The following KIAA1549L variants were observed in gnomAD, a reference collection of about 807,000 sequenced individuals.
KIAA1549L encodes the protein UPF0606 protein KIAA1549L.
In KIAA1549L, 88 loss-of-function variants were observed where a neutral mutation model predicts 160.7. The observed-to-expected ratio is 0.55, with a 90% CI of 0.46 to 0.65. The LOEUF is 0.65. KIAA1549L is among the 30% of genes least tolerant of loss of function. The pLI is 0.00. For synonymous variants in KIAA1549L, 950 were observed against 976.7 expected, an observed-to-expected ratio of 0.97 and a Z score of 0.51; for missense variants, 2,258 against 2,437.5, an observed-to-expected ratio of 0.93 and a Z score of 1.55.
intron 1 of KIAA1549L, among the ~76,000 whole-genome samples, chr11:33,393,859 A>G (rs1444161400): frequency 2.0e-5 from 3 of 152,246 alleles, no homozygotes; most frequent in Non-Finnish European, 4.4e-5. Flanking sequence ...TTGCACATAC[A>G]TAGTAGATAC....
At chr11:33,429,841 A>T (rs1370313775) in intron 1 of KIAA1549L, among the ~76,000 whole-genome samples, 1 of 152,102 alleles carries the variant, frequency 6.6e-6, no homozygotes, top group Non-Finnish European at 1.5e-5. Flanking sequence ...CACTGCAGTC[A>T]TCTGGACCCA....
chr11:33,512,117 A>G (rs1285173830), intron 1 of KIAA1549L, among the ~76,000 whole-genome samples: 1 of 152,228 alleles, frequency 6.6e-6, no homozygotes, highest in African/African-American at 2.4e-5. Context: ...TTAGCACTCT[A>G]GAGGGTCACG....
rs1045652202 is a variant in KIAA1549L, at chr11:33,486,622, A to T, written c.239-55180A>T. Among the ~76,000 whole-genome samples, 6 of 151,934 alleles carry T rather than the reference A, an allele frequency of 3.9e-5. No individual in the cohort carries two copies. The East Asian group carries it at 1.2e-3, about 29-fold the overall frequency. On this transcript the variant is annotated intron_variant, in intron 1 of 20. Transcript: ENST00000658780. ...ATGTTTTATTAAAGGTTAGTAAATGATTTCTGATAGAGACACCATAGAGCT... is the reference window on the plus strand; with the variant it reads ...ATGTTTTATTAAAGGTTAGTAAATGTTTTCTGATAGAGACACCATAGAGCT...
rs1000574907 is a variant in KIAA1549L, at chr11:33,524,139, T to G, written c.239-17663T>G. On this transcript the variant is annotated intron_variant, in intron 1 of 20. Transcript: ENST00000658780. ...CCTTTTTCTATGGTAAGTGGCTCCT[T>G]TTTCCTATGTTAATCTGTCTGTTTA... is the stretch of plus-strand genomic sequence containing the variant. Among the ~76,000 whole-genome samples, 7 of 152,208 alleles carry G rather than the reference T, an allele frequency of 4.6e-5. 1 individual carries two copies. The highest frequency in any genetic ancestry group is 3.9e-4 in the Admixed American group (6 of 15,280).
intron 9 of KIAA1549L, 114 bp downstream of exon 9, chr11:33,568,341 G>C: frequency 1.0e-6 from 1 of 966,920 alleles, no homozygotes; most frequent in Non-Finnish European, 1.5e-6. Flanking sequence ...GCTGCCAACT[G>C]ACTAAGCCAT....
At chr11:33,658,710 G>A (rs371516848) in intron 18 of KIAA1549L, 40 bp from the exon 19 acceptor site, 1 of 1,555,252 alleles carries the variant, frequency 6.4e-7, no homozygotes, top group South Asian at 1.2e-5. Context: ...GCCGCCTGAG[G>A]TCTGGGACAG....
intron 1 of KIAA1549L, among the ~76,000 whole-genome samples, chr11:33,503,162 G>A (rs977922881): frequency 1.3e-5 from 2 of 152,120 alleles, no homozygotes; most frequent in Non-Finnish European, 2.9e-5. Flanking sequence ...TAAACGTTTT[G>A]AGATTAATAT....
chr11:33,629,135 G>C (rs926232557), intron 16 of KIAA1549L, among the ~76,000 whole-genome samples: 4 of 152,144 alleles, frequency 2.6e-5, no homozygotes, highest in Non-Finnish European at 5.9e-5. Context: ...CTGGCTTGTA[G>C]AGTTTCTGCC....
In KIAA1549L at chr11:33,543,742, C is replaced by T; in HGVS notation, c.2179C>T (p.His727Tyr). ...QQQTNYDLNG[H>Y]TISTTSWETH... ...GCAAACAAATTATGATTTAAATGGA[C>T]ACACAATTAGCACCACAAGTTGGGA... The change falls in exon 2 of 21, where the codon CAC (histidine) becomes TAC (tyrosine). Residue 727 changes from histidine (H) to tyrosine (Y), a missense_variant. Physicochemically the swap from His to Tyr is moderately conservative, Grantham distance 83. Around this residue, in one of 6 missense-constraint regions of KIAA1549L, gnomAD observed 287 missense variants for 292.3 expected, o/e 0.98. Transcript: ENST00000658780. 1 of 1,614,034 alleles carries T rather than the reference C, an allele frequency of 6.2e-7. No individual in the cohort carries two copies. Among genetic ancestry groups the T allele is most frequent in the Non-Finnish European group, 8.5e-7 (1 of 1,179,884 alleles).
intron 16 of KIAA1549L, among the ~76,000 whole-genome samples, chr11:33,634,946 AT>A (rs971074213): frequency 2.6e-5 from 4 of 152,016 alleles, no homozygotes; most frequent in Middle Eastern, 3.4e-3. Flanking sequence ...TGCTGAAAAA[AT>A]TTTTTTTAAT....
Position 33,655,256 on chromosome 11 carries a change from TAC to T in KIAA1549L, c.5761-740_5761-739del, listed in dbSNP as rs147310112. ...AGTGCTTTATAGATTGCAAAAGACA[TAC>T]ACACACACACACACAGACTTACCTG... On this transcript the variant is annotated intron_variant, in intron 17 of 20. Transcript: ENST00000658780. 6.6e-5 allele frequency among the ~76,000 whole-genome samples: 10 copies of T among 150,710 alleles called. No homozygotes were observed. The East Asian group carries it at 1.2e-3, about 18-fold the overall frequency.
chr11:33,542,143 T>A lies in KIAA1549L; in HGVS notation c.580T>A (p.Ser194Thr). The A allele has an allele frequency of 1.8e-6, 1 of 567,130 alleles. No homozygotes were observed. The highest frequency in any genetic ancestry group is 3.4e-6 in the Non-Finnish European group (1 of 298,154). 35.1% of individuals were successfully genotyped at this position (567,130 alleles called of 1,614,324 possible). ...PKGGQEAADV[S>T]GLPLTSMLPS... Reference sequence around the variant, plus strand: ...AGGGGGACAAGAAGCAGCCGATGTGTCAGGTTTGCCTCTCACCAGCATGCT... The same window carrying A: ...AGGGGGACAAGAAGCAGCCGATGTGACAGGTTTGCCTCTCACCAGCATGCT... Residue 194 changes from serine (S) to threonine (T), a missense_variant, in exon 2 of 21, where the codon TCA (serine) becomes ACA (threonine). Physicochemically the swap from Ser to Thr is moderately conservative, Grantham distance 58 (BLOSUM62 1). Around this residue, in one of 6 missense-constraint regions of KIAA1549L, gnomAD observed 540 missense variants for 465.7 expected, o/e 1.16. Coordinates refer to ENST00000658780, the MANE Select transcript of KIAA1549L (RefSeq NM_012194.3).
rs532469536 is a variant in KIAA1549L at position 33,544,263 on chromosome 11, T to C, written c.2700T>C (p.Ser900=). The change falls in exon 2 of 21, where the codon TCT becomes TCC. Residue 900 remains serine, a synonymous_variant. Coordinates refer to ENST00000658780, the MANE Select transcript of KIAA1549L (RefSeq NM_012194.3). The part of the protein sequence containing the change: ...ILGYHSAAES[S]ISTSVFPRTS... Reference sequence around the variant, plus strand: ...GATATCACTCTGCTGCTGAATCTTCTATATCGACCAGTGTCTTTCCCAGGA... The same window carrying C: ...GATATCACTCTGCTGCTGAATCTTCCATATCGACCAGTGTCTTTCCCAGGA... The C allele has an allele frequency of 1.5e-5, 24 of 1,614,036 alleles. No individual in the cohort carries two copies. The East Asian group carries it at 5.1e-4, about 34-fold the overall frequency.
intron 1 of KIAA1549L, among the ~76,000 whole-genome samples, chr11:33,518,547 C>T (rs1853409253): frequency 6.6e-6 from 1 of 152,128 alleles, no homozygotes; most frequent in Non-Finnish European, 1.5e-5. Flanking sequence ...AATTGCTTTT[C>T]AAGGAAAGTT....
intron 1 of KIAA1549L, among the ~76,000 whole-genome samples, chr11:33,464,483 T>C (rs886439288): frequency 6.7e-6 from 1 of 148,596 alleles, no homozygotes; most frequent in African/African-American, 2.5e-5. Context: ...CATGTGTGTG[T>C]GTGTGTGTGT....
intron 1 of KIAA1549L, among the ~76,000 whole-genome samples, chr11:33,501,878 G>A (rs1011868604): frequency 2.0e-5 from 3 of 152,248 alleles, no homozygotes; most frequent in African/African-American, 7.2e-5. Context: ...GCCCAAGGTC[G>A]TTGGTAAGTC....
chr11:33,401,171 G>A (rs1850491405), intron 1 of KIAA1549L, among the ~76,000 whole-genome samples: 1 of 150,344 alleles, frequency 6.7e-6, no homozygotes, highest in South Asian at 2.1e-4. Context: ...GTGAGTAAGC[G>A]TGGCTGTGGC....
At chr11:33,423,013 G>A (rs968003787) in intron 1 of KIAA1549L, among the ~76,000 whole-genome samples, 1 of 152,194 alleles carries the variant, frequency 6.6e-6, no homozygotes, top group African/African-American at 2.4e-5. Context: ...GTTGAGTGAT[G>A]TAAATGCGAT....
At chr11:33,490,895 A>G (rs933008505) in intron 1 of KIAA1549L, among the ~76,000 whole-genome samples, 1 of 152,208 alleles carries the variant, frequency 6.6e-6, no homozygotes, top group East Asian at 1.9e-4. Flanking sequence ...ACAACAGGTA[A>G]TGCCCACCCT....
Sources: gnomAD v4.1 joint callset for allele counts (sites outside exome capture counted in the v4.1 genomes callset) on GRCh38, gnomAD v4.1.1 for gene constraint, gnomAD v4.1.1 regional missense constraint, MANE v1.5 for transcripts, NCBI Gene and HGNC (gene_info 2026-07-23, HGNC 2026-07-21) for gene names.